GEMIN5: variants seen among roughly 807,000 people sequenced by gnomAD.
The protein encoded by GEMIN5 is gem-associated protein 5.
GEMIN5 carries 124 observed loss-of-function variants against 176.9 expected under a neutral mutation model. The observed-to-expected ratio is 0.70, with a 90% confidence interval of 0.61 to 0.81. GEMIN5 has a LOEUF of 0.81. GEMIN5 is among the 40% of genes least tolerant of loss of function. GEMIN5 has a pLI of 0.00. For synonymous variants in GEMIN5, 673 were observed against 665.2 expected, an observed-to-expected ratio of 1.01 and a Z score of -0.18; for missense variants, 1,843 against 1,814.6, an observed-to-expected ratio of 1.02 and a Z score of -0.28.
In GEMIN5 at chr5:154,911,786, T is replaced by C; in HGVS notation, c.2108A>G (p.Asp703Gly). The C allele has an allele frequency of 6.2e-7, 1 of 1,614,060 alleles. No individual in the cohort carries two copies. Among genetic ancestry groups the C allele is most frequent in the Non-Finnish European group, 8.5e-7 (1 of 1,179,932 alleles). ...LDPDCIYSGA[D>G]DFCVHKWLTS... ...GAGCCACTTGTGCACACAAAAGTCA[T>C]CTGCCCCTGAATAGATGCAGTCTGG... is the stretch of plus-strand genomic sequence containing the variant. Residue 703 changes from aspartate (D) to glycine (G), a missense_variant, in exon 15 of 28, where the codon GAT (aspartate) becomes GGT (glycine). Transcript: ENST00000285873.
At chr5:154,929,739 A>T (rs971320709) in intron 5 of GEMIN5, among the ~76,000 whole-genome samples, 1 of 152,140 alleles carries the variant, frequency 6.6e-6, no homozygotes, top group Non-Finnish European at 1.5e-5. Flanking sequence ...GTAGCCTGTA[A>T]ACCTTAAAAA....
rs1180574985 is a variant in GEMIN5 at position 154,935,833 on chromosome 5, G to GT, written c.509+7dup. On this transcript the variant is annotated splice_region_variant and intron_variant, in intron 3 of 27. Coordinates refer to ENST00000285873, the MANE Select transcript of GEMIN5 (RefSeq NM_015465.5). ...AAAAATCATCAATACAGATGGCATA[G>GT]TACTTACCCAATGGCTACTAAATCT... 1 of 1,594,728 alleles carries GT rather than the reference G, an allele frequency of 6.3e-7. No individual in the cohort carries two copies. Among genetic ancestry groups the GT allele is most frequent in the Non-Finnish European group, 8.6e-7 (1 of 1,162,860 alleles).
chr5:154,889,879 A>G (rs1164921730), intron 26 of GEMIN5, among the ~76,000 whole-genome samples: 1 of 152,258 alleles, frequency 6.6e-6, no homozygotes, highest in African/African-American at 2.4e-5. Context: ...GTCAGTGGAT[A>G]CTTAGGTTGC....
intron 20 of GEMIN5, among the ~76,000 whole-genome samples, chr5:154,901,906 T>C (rs1287989870): frequency 6.6e-6 from 1 of 152,080 alleles, no homozygotes; most frequent in Non-Finnish European, 1.5e-5. Context: ...GCTCAGGTGA[T>C]CCTCCCACCA....
intron 12 of GEMIN5, among the ~76,000 whole-genome samples, chr5:154,917,726 C>T (rs1385115750): frequency 6.6e-6 from 1 of 152,172 alleles, no homozygotes; most frequent in Non-Finnish European, 1.5e-5. Context: ...TAGCCAAATA[C>T]TCTCAATGGG....
chr5:154,925,720 T>A, intron 8 of GEMIN5, 142 bp downstream of exon 8: 1 of 601,626 alleles, frequency 1.7e-6, no homozygotes, highest in Non-Finnish European at 3.0e-6. Flanking sequence ...TACAGGATCA[T>A]TCTGCTTTCC....
At chr5:154,906,567 G>A (rs1763572732) in intron 16 of GEMIN5, among the ~76,000 whole-genome samples, 3 of 152,108 alleles carry the variant, frequency 2.0e-5, no homozygotes, top group African/African-American at 4.8e-5. Flanking sequence ...GTGAAAGAAA[G>A]ACTTTTTAAA....
At position 154,907,620 on chromosome 5, in the gene GEMIN5, G is replaced by A. The variant is rs199960786; in HGVS notation, c.2366C>T (p.Pro789Leu). ...DQEGEEQARE[P>L]ELPCGLAPAV... is the part of the protein sequence containing the mutation. ...TGGAGCAAGGCCACAGGGTAATTCC[G>A]GCTCCCGTGCTTGCTCCTCCCCTTC... Residue 789 changes from proline (P) to leucine (L), a missense_variant, in exon 16 of 28, where the codon CCG (proline) becomes CTG (leucine). Transcript: ENST00000285873. The A allele has an allele frequency of 2.7e-5, 44 of 1,613,790 alleles. No individual in the cohort carries two copies. The highest frequency in any genetic ancestry group is 3.1e-5 in the Non-Finnish European group (36 of 1,179,892).
chr5:154,907,442 A>T, intron 16 of GEMIN5, 149 bp downstream of exon 16: 1 of 584,546 alleles, frequency 1.7e-6, no homozygotes, highest in Non-Finnish European at 2.9e-6. Flanking sequence ...TATTTTAGAG[A>T]CTTGAATAAA....
chr5:154,929,534 T>C (rs1764118449), intron 5 of GEMIN5, among the ~76,000 whole-genome samples: 1 of 152,204 alleles, frequency 6.6e-6, no homozygotes, highest in South Asian at 2.1e-4. Flanking sequence ...GCCTAACTCC[T>C]AGAGATTCGG....
intron 16 of GEMIN5, among the ~76,000 whole-genome samples, chr5:154,906,597 T>TG (rs1463963678): frequency 2.0e-5 from 3 of 152,024 alleles, no homozygotes; most frequent in South Asian, 4.2e-4. Context: ...AATAAAGAGA[T>TG]GGGGGGTCTT....
intron 15 of GEMIN5, among the ~76,000 whole-genome samples, chr5:154,909,020 T>C (rs1322620458): frequency 6.6e-6 from 1 of 152,072 alleles, no homozygotes; most frequent in Non-Finnish European, 1.5e-5. Flanking sequence ...GGTGGCAGAA[T>C]CTCCGTTCAC....
chr5:154,906,456 A>C (rs1763570656), intron 16 of GEMIN5, among the ~76,000 whole-genome samples: 1 of 152,242 alleles, frequency 6.6e-6, no homozygotes, highest in African/African-American at 2.4e-5. Context: ...GAGTAACTTT[A>C]ATAATAGAGA....
chr5:154,904,630 C>T lies in GEMIN5; in HGVS notation c.2510-1G>A. 1 of 1,608,364 alleles carries T rather than the reference C, an allele frequency of 6.2e-7. No homozygotes were observed. ...GCTTTTCTCTTCTTGATTAAGGTTT[C>T]TGAAATTTAATAAAGTACATACTAT... On this transcript the variant is annotated splice_acceptor_variant, in intron 17 of 27. Transcript: ENST00000285873. LOFTEE classifies it high-confidence loss of function.
rs552885355 is a variant in GEMIN5 at position 154,935,596 on chromosome 5, G to T, written c.509+245C>A. ...AAGAGGACATTTCCTACACGTAAAGGTTGATTGGAGGAGTTAGATCCGAAA... is the reference window on the plus strand; with the variant it reads ...AAGAGGACATTTCCTACACGTAAAGTTTGATTGGAGGAGTTAGATCCGAAA... On this transcript the variant is annotated intron_variant, in intron 3 of 27. Transcript: ENST00000285873. Among the ~76,000 whole-genome samples, 50 of 152,274 alleles carry T rather than the reference G, an allele frequency of 3.3e-4. 1 individual carries two copies. The highest frequency in any genetic ancestry group is 1.2e-3 in the African/African-American group (49 of 41,546).
Position 154,927,470 on chromosome 5 carries a change from T to C in GEMIN5, c.995A>G (p.Asn332Ser). ...TLFSASSEGQ[N>S]HSRIVFNLCP... The stretch of plus-strand genomic sequence containing the variant: ...TAAATTAAACACAATTCTTGAATGA[T>C]TTTGCCCTTCTGATGAGGCACTGAA... Residue 332 changes from asparagine (N) to serine (S), a missense_variant, in exon 7 of 28, where the codon AAT becomes AGT. By Grantham distance (46) the Asn-to-Ser change is conservative (BLOSUM62 1). Transcript: ENST00000285873. 6.2e-7 allele frequency: 1 copy of C among 1,606,622 alleles called. No individual in the cohort carries two copies. The highest frequency in any genetic ancestry group is 1.1e-5 in the South Asian group (1 of 90,926).
intron 11 of GEMIN5, among the ~76,000 whole-genome samples, chr5:154,919,406 A>T (rs1763875566): frequency 6.6e-6 from 1 of 152,358 alleles, no homozygotes; most frequent in Middle Eastern, 3.4e-3. Flanking sequence ...GTTCTGGCAC[A>T]TACTGATAGC....
intron 16 of GEMIN5, among the ~76,000 whole-genome samples, chr5:154,905,897 G>C (rs1256564827): frequency 1.3e-5 from 2 of 152,028 alleles, no homozygotes; most frequent in Non-Finnish European, 2.9e-5. Context: ...CGCCATGTTG[G>C]CCAGGGTGAT....
Position 154,896,131 on chromosome 5 carries a change from G to A in GEMIN5, c.3558C>T (p.Ile1186=). ...YQEAFQKLQN[I]KYPSATNNTP... ...TGTTATTTGTAGCAGATGGGTACTT[G>A]ATGTTCTGCAGCTTCTGAAAGGCTT... is the stretch of plus-strand genomic sequence containing the variant. The change falls in exon 24 of 28, where the codon ATC becomes ATT. Residue 1186 remains isoleucine, a synonymous_variant. Coordinates refer to ENST00000285873, the MANE Select transcript of GEMIN5 (RefSeq NM_015465.5). 6.2e-7 allele frequency: 1 copy of A among 1,613,924 alleles called. No individual in the cohort carries two copies. Among genetic ancestry groups the A allele is most frequent in the Non-Finnish European group, 8.5e-7 (1 of 1,179,922 alleles).
Sources: allele counts gnomAD v4.1 joint callset (sites outside exome capture counted in the v4.1 genomes callset), GRCh38; gene constraint gnomAD v4.1.1; transcripts MANE v1.5; gene names NCBI Gene and HGNC (gene_info 2026-07-23, HGNC 2026-07-21).